ART4: variants seen among roughly 807,000 people sequenced by gnomAD.
The protein encoded by ART4 is ecto-ADP-ribosyltransferase 4.
In ART4, 14 loss-of-function variants were observed where a neutral mutation model predicts 24.2. The ratio of observed to expected loss-of-function variants is 0.58; its 90% CI spans 0.38 to 0.90. The LOEUF is 0.90. Ranked by LOEUF, ART4 falls within the 40% of genes least tolerant of loss-of-function variation. The pLI, the probability that ART4 is intolerant of heterozygous loss-of-function variation, is 0.00. For synonymous variants in ART4, 145 were observed against 139.9 expected, an observed-to-expected ratio of 1.04 and a Z score of -0.26; for missense variants, 356 against 366.6, an observed-to-expected ratio of 0.97 and a Z score of 0.24.
rs1272266848 is a variant in ART4, at chr12:14,829,306, A to G, written c.*65T>C. On this transcript the variant is annotated 3_prime_UTR_variant, in exon 3 of 3. Transcript: ENST00000228936. ...GGAAAATAAATGTCCATTTCTAGCC[A>G]AAAGGCCAATAAAAAAGATTTTATT... The G allele has an allele frequency of 3.5e-6, 4 of 1,155,902 alleles. No individual in the cohort carries two copies. In the African/African-American group the frequency reaches 6.4e-5, roughly 18 times the overall value. 71.6% of individuals were successfully genotyped at this position (1,155,902 alleles called of 1,614,324 possible).
rs759094711 is a variant in ART4 at position 14,829,428 on chromosome 12, A to T, written c.888T>A (p.Ala296=). The T allele has an allele frequency of 3.1e-6, 5 of 1,610,202 alleles. No individual in the cohort carries two copies. The highest frequency in any genetic ancestry group is 3.4e-6 in the Non-Finnish European group (4 of 1,178,724). ...SSKKCIPDPI[A]IASLSFLTSV... ...TGGTCAAAAAGGAGAGAGATGCAAT[A>T]GCTATAGGATCAGGGATGCATTTCT... The change falls in exon 3 of 3, where the codon GCT becomes GCA. Residue 296 remains alanine (A), a synonymous_variant. Transcript: ENST00000228936.
intron 1 of ART4, among the ~76,000 whole-genome samples, chr12:14,842,453 G>A (rs1863065448): frequency 6.6e-6 from 1 of 152,058 alleles, no homozygotes; most frequent in Non-Finnish European, 1.5e-5. Context: ...ATAGGTCTAC[G>A]GTATCTATTT....
intron 2 of ART4, among the ~76,000 whole-genome samples, chr12:14,829,997 T>C (rs1950383525): frequency 6.6e-6 from 1 of 152,168 alleles, no homozygotes; most frequent in Admixed American, 6.5e-5. Flanking sequence ...CCATTCAAAC[T>C]TGGCCAGTTT....
At chr12:14,834,051 C>T (rs12099805) in intron 2 of ART4, among the ~76,000 whole-genome samples, 1,841 of 152,290 alleles carry the variant, frequency 0.012, 39 homozygotes, top group African/African-American at 0.042. Context: ...GGCAGAGACA[C>T]CAATGCTATC....
chr12:14,829,489 T>C lies in ART4; in HGVS notation c.854-27A>G, dbSNP rs1433657060. On this transcript the variant is annotated intron_variant, in intron 2 of 2. Coordinates refer to ENST00000228936, the MANE Select transcript of ART4 (RefSeq NM_021071.4). ...TGTAAAAAACAAAACAAAGGAAATA[T>C]TTTAGGTAGCAGAGTTTTTTTTAAA... 2.6e-6 allele frequency: 4 copies of C among 1,557,120 alleles called. No homozygotes were observed. In the African/African-American group the frequency reaches 5.5e-5, roughly 21 times the overall value.
Position 14,843,353 on chromosome 12 carries a change from G to A in ART4, c.-240C>T. The A allele has an allele frequency of 7.5e-6, 3 of 401,508 alleles. No homozygotes were observed. The highest frequency in any genetic ancestry group is 1.4e-5 in the Non-Finnish European group (3 of 219,564). 24.9% of individuals were successfully genotyped at this position (401,508 alleles called of 1,614,324 possible). A position where few individuals can be genotyped will look rare whatever the true frequency, so the allele number is the denominator to read the frequency against. ...TAGCCAGATGCGCACACCAAATAAG[G>A]GTTTCTAAAGAGAACCCAAGTTACT... On this transcript the variant is annotated 5_prime_UTR_variant, in exon 1 of 3. Transcript: ENST00000228936.
Position 14,841,046 on chromosome 12 carries a change from T to A in ART4, c.252A>T (p.Thr84=). The change falls in exon 2 of 3, where the codon ACA becomes ACT. Residue 84 remains threonine (T), a synonymous_variant. Transcript: ENST00000228936. ...AATTCTTCTGGGCTTCTATGTCTTT[T>A]GTGAAATAATCCCCTTGAGTTAGTT... ...MEKLTQGDYF[T]KDIEAQKNYF... 6.2e-7 allele frequency: 1 copy of A among 1,614,258 alleles called. No individual in the cohort carries two copies. Among genetic ancestry groups the A allele is most frequent in the Non-Finnish European group, 8.5e-7 (1 of 1,180,044 alleles).
At chr12:14,837,009 T>C (rs1459823028) in intron 2 of ART4, among the ~76,000 whole-genome samples, 1 of 152,142 alleles carries the variant, frequency 6.6e-6, no homozygotes, top group Non-Finnish European at 1.5e-5. Context: ...TGAGGGTCAC[T>C]TGAAAACAAA....
At chr12:14,832,812 C>G (rs1370090026) in intron 2 of ART4, among the ~76,000 whole-genome samples, 1 of 152,058 alleles carries the variant, frequency 6.6e-6, no homozygotes, top group East Asian at 1.9e-4. Flanking sequence ...AAAATAGCTT[C>G]CTTTTGATTT....
Position 14,840,450 on chromosome 12 carries a change from A to G in ART4, c.848T>C (p.Leu283Pro). 6.2e-7 allele frequency: 1 copy of G among 1,603,142 alleles called. No individual in the cohort carries two copies. Among genetic ancestry groups the G allele is most frequent in the Non-Finnish European group, 8.5e-7 (1 of 1,176,146 alleles). ...GNLSTYNCQLLKASSKKCIPD... is the reference protein window; with the variant it reads ...GNLSTYNCQLPKASSKKCIPD... ...TCAATTTAGATAAAGAATACCTTTT[A>G]GCAGCTGACAGTTATATGTGCTCAG... is the stretch of plus-strand genomic sequence containing the variant. Residue 283 changes from leucine to proline, a missense_variant, in exon 2 of 3, where the codon CTA (leucine) becomes CCA (proline). Transcript: ENST00000228936.
At chr12:14,831,030 G>T (rs879576094) in intron 2 of ART4, among the ~76,000 whole-genome samples, 7 of 151,798 alleles carry the variant, frequency 4.6e-5, no homozygotes, top group Non-Finnish European at 7.4e-5. Context: ...GAGCTTAAGG[G>T]TCTCTGTTAG....
At position 14,843,120 on chromosome 12, in the gene ART4, G is replaced by A. The variant is rs893921497; in HGVS notation, c.-7C>T. On this transcript the variant is annotated 5_prime_UTR_variant, in exon 1 of 3. Transcript: ENST00000228936. ...TGTTGATCAATGGACCCATTTGCTT[G>A]TGTCACAAGTACTTCTCCTTTGCCC... The A allele has an allele frequency of 3.7e-6, 6 of 1,613,808 alleles. No individual in the cohort carries two copies. The highest frequency in any genetic ancestry group is 1.3e-5 in the African/African-American group (1 of 74,934).
intron 2 of ART4, among the ~76,000 whole-genome samples, chr12:14,839,328 C>T (rs914555569): frequency 3.3e-5 from 5 of 152,300 alleles, no homozygotes; most frequent in South Asian, 2.1e-4. Context: ...CCTGAAGACA[C>T]CAGGCTGTTT....
Position 14,843,018 on chromosome 12 carries a change from T to A in ART4, c.96A>T (p.Pro32=). Residue 32 remains proline (P), a synonymous_variant, in exon 1 of 3, where the codon CCA becomes CCT. Coordinates refer to ENST00000228936, the MANE Select transcript of ART4 (RefSeq NM_021071.4). The stretch of plus-strand genomic sequence containing the variant: ...GCAGGCCAGAGAGGAGCAGCAGGAA[T>A]GGCAGCAGGCCTCCAAGGAGCCAGA... ...MRIWLLGGLL[P]FLLLLSGLQR... 6.2e-7 allele frequency: 1 copy of A among 1,613,914 alleles called. No homozygotes were observed. The highest frequency in any genetic ancestry group is 8.5e-7 in the Non-Finnish European group (1 of 1,179,958).
At chr12:14,834,278 A>G (rs1950414594) in intron 2 of ART4, among the ~76,000 whole-genome samples, 1 of 152,246 alleles carries the variant, frequency 6.6e-6, no homozygotes, top group Non-Finnish European at 1.5e-5. Context: ...CTCTACTTCA[A>G]GGTCATTGTG....
At chr12:14,829,879 C>G (rs564464850) in intron 2 of ART4, among the ~76,000 whole-genome samples, 1 of 152,264 alleles carries the variant, frequency 6.6e-6, no homozygotes, top group South Asian at 2.1e-4. Context: ...TCACAACAAA[C>G]CTATGAGATT....
At chr12:14,832,590 C>A (rs938521168) in intron 2 of ART4, among the ~76,000 whole-genome samples, 1 of 152,146 alleles carries the variant, frequency 6.6e-6, no homozygotes, top group African/African-American at 2.4e-5. Context: ...TCCCCAAGGG[C>A]AGGGATTTTC....
chr12:14,840,285 A>G, intron 2 of ART4, 160 bp downstream of exon 2: 2 of 609,226 alleles, frequency 3.3e-6, no homozygotes, highest in South Asian at 4.8e-5. Flanking sequence ...AGAGAAGTCA[A>G]TAAATAAAGT....
chr12:14,842,403 A>G (rs1863064718), intron 1 of ART4, among the ~76,000 whole-genome samples: 1 of 152,234 alleles, frequency 6.6e-6, no homozygotes, highest in South Asian at 2.1e-4. Flanking sequence ...AAGACTGATT[A>G]AATGATTTTA....
Sources: gnomAD v4.1 joint callset for allele counts (sites outside exome capture counted in the v4.1 genomes callset) on GRCh38, gnomAD v4.1.1 for gene constraint, MANE v1.5 for transcripts, NCBI Gene and HGNC (gene_info 2026-07-23, HGNC 2026-07-21) for gene names.